FERMT2: variants seen among roughly 807,000 people sequenced by gnomAD.
FERMT2 encodes fermitin family homolog 2.
FERMT2 carries 15 observed loss-of-function variants against 82.7 expected under a neutral mutation model. The ratio of observed to expected loss-of-function variants is 0.18; its 90% CI spans 0.12 to 0.28. FERMT2 has a LOEUF of 0.28. Among genes scored for constraint, FERMT2 ranks in the 10% least tolerant of loss-of-function variants. The pLI, the probability that FERMT2 is intolerant of heterozygous loss-of-function variation, is 1.00. For missense variants in FERMT2, 645 were observed against 809.4 expected (o/e 0.80, Z 2.46); for synonymous variants, 274 against 271.5 (o/e 1.01, Z -0.09).
At chr14:52,883,771 C>T (rs572503914) in intron 4 of FERMT2, among the ~76,000 whole-genome samples, 1 of 152,270 alleles carries the variant, frequency 6.6e-6, no homozygotes, top group African/African-American at 2.4e-5. Context: ...AATGGTTTTG[C>T]ACCATCCCCG....
chr14:52,860,978 A>ATTCTT (rs761066397), intron 12 of FERMT2: 7 of 1,466,248 alleles, frequency 4.8e-6, no homozygotes, highest in Non-Finnish European at 6.5e-6. Context: ...ATTTTTATTT[A>ATTCTT]TTCTTTTTCT....
chr14:52,919,841 T>C (rs751314620), intron 2 of FERMT2, among the ~76,000 whole-genome samples: 1 of 152,136 alleles, frequency 6.6e-6, no homozygotes, highest in Admixed American at 6.5e-5. Flanking sequence ...CAGAGACCAA[T>C]ATCCTAGGTG....
intron 3 of FERMT2, among the ~76,000 whole-genome samples, chr14:52,913,980 T>G (rs1006219792): frequency 6.6e-6 from 1 of 152,116 alleles, no homozygotes; most frequent in Non-Finnish European, 1.5e-5. Flanking sequence ...GGTTCTTGTC[T>G]GTCTCTGCGT....
chr14:52,874,872 A>C (rs1442737030), intron 8 of FERMT2, among the ~76,000 whole-genome samples: 1 of 152,134 alleles, frequency 6.6e-6, no homozygotes, highest in Non-Finnish European at 1.5e-5. Context: ...ACTAGACAAC[A>C]CAGTGAGACC....
chr14:52,948,755 C>G (rs1185848913), intron 2 of FERMT2, among the ~76,000 whole-genome samples: 1 of 152,118 alleles, frequency 6.6e-6, no homozygotes, highest in African/African-American at 2.4e-5. Context: ...TATTCATTAG[C>G]TACAGCCTGG....
At position 52,945,534 on chromosome 14, in the gene FERMT2, G is replaced by A. The variant is rs142747394; in HGVS notation, c.157+4878C>T. ...CTCCCAAGGTGCTAGTATTACAGGCGTGAGCCACCACTCCCGGCCTAATCC... is the reference window on the plus strand; with the variant it reads ...CTCCCAAGGTGCTAGTATTACAGGCATGAGCCACCACTCCCGGCCTAATCC... On this transcript the variant is annotated intron_variant, in intron 2 of 14. Transcript: ENST00000341590. 1.8e-3 allele frequency among the ~76,000 whole-genome samples: 280 copies of A among 152,192 alleles called. 1 individual carries two copies. The highest frequency in any genetic ancestry group is 6.4e-3 in the African/African-American group (266 of 41,534).
intron 2 of FERMT2, chr14:52,928,013 A>G: frequency 5.1e-6 from 2 of 391,092 alleles, no homozygotes; most frequent in Non-Finnish European, 1.0e-5. Flanking sequence ...TTGATCAAAT[A>G]ACTTACTTTT....
intron 7 of FERMT2, 132 bp from the exon 8 acceptor site, chr14:52,875,489 C>A: frequency 3.3e-6 from 2 of 600,062 alleles, no homozygotes; most frequent in South Asian, 2.5e-5. Context: ...GGAACTAGAA[C>A]GATAGGAAAT....
At chr14:52,942,248 T>C (rs1180020320) in intron 2 of FERMT2, among the ~76,000 whole-genome samples, 1 of 152,018 alleles carries the variant, frequency 6.6e-6, no homozygotes, top group Admixed American at 6.6e-5. Flanking sequence ...AGTATCAATA[T>C]ATATGTATTA....
At chr14:52,874,310 T>C in intron 8 of FERMT2, 84 bp from the exon 9 acceptor site, 1 of 737,198 alleles carries the variant, frequency 1.4e-6, no homozygotes, top group South Asian at 2.3e-5. Flanking sequence ...AAGAACTAGC[T>C]TACTTAATAA....
At position 52,858,441 on chromosome 14, in the gene FERMT2, G is replaced by C; in HGVS notation, c.1979C>G (p.Ala660Gly). Residue 660 changes from alanine (A) to glycine (G), a missense_variant, in exon 15 of 15, where the codon GCA becomes GGA. Ala to Gly is a moderately conservative substitution (Grantham distance 60, BLOSUM62 0). Coordinates refer to ENST00000341590, the MANE Select transcript of FERMT2 (RefSeq NM_006832.3). Reference sequence around the variant, plus strand: ...ATCTAAACTCTCGTTTTGGTCTTTTGCACGTGTTGAGAGAAATATGTAGCC... The same window carrying C: ...ATCTAAACTCTCGTTTTGGTCTTTTCCACGTGTTGAGAGAAATATGTAGCC... ...IGGYIFLSTR[A>G]KDQNESLDEE... The C allele has an allele frequency of 6.2e-7, 1 of 1,614,022 alleles. No homozygotes were observed. Among genetic ancestry groups the C allele is most frequent in the Non-Finnish European group, 8.5e-7 (1 of 1,179,992 alleles).
chr14:52,869,631 T>C (rs1885495295), intron 10 of FERMT2, among the ~76,000 whole-genome samples: 1 of 152,204 alleles, frequency 6.6e-6, no homozygotes, highest in Non-Finnish European at 1.5e-5. Context: ...CAATTATAAG[T>C]AGTACATAAT....
intron 2 of FERMT2, among the ~76,000 whole-genome samples, chr14:52,927,007 A>AT (rs1889310554): frequency 6.6e-6 from 1 of 152,212 alleles, no homozygotes; most frequent in African/African-American, 2.4e-5. Context: ...ACATAACAGT[A>AT]TCTGACAGAC....
At chr14:52,898,487 G>A (rs1349072291) in intron 3 of FERMT2, among the ~76,000 whole-genome samples, 1 of 152,120 alleles carries the variant, frequency 6.6e-6, no homozygotes, top group Non-Finnish European at 1.5e-5. Flanking sequence ...TATATTCTTT[G>A]AACCTAAGAT....
intron 4 of FERMT2, among the ~76,000 whole-genome samples, chr14:52,887,660 T>A (rs1029535891): frequency 6.6e-6 from 1 of 151,698 alleles, no homozygotes; most frequent in African/African-American, 2.4e-5. Flanking sequence ...AGACCCTGTC[T>A]CTTAAAAAAA....
chr14:52,903,681 A>G (rs1307950681), intron 3 of FERMT2, among the ~76,000 whole-genome samples: 1 of 152,218 alleles, frequency 6.6e-6, no homozygotes, highest in African/African-American at 2.4e-5. Flanking sequence ...CAATTCTATC[A>G]AAGGGCAGAA....
rs547220176 is a variant in FERMT2, at chr14:52,880,420, A to T, written c.855+616T>A. On this transcript the variant is annotated intron_variant, in intron 6 of 14. Transcript: ENST00000341590. The stretch of plus-strand genomic sequence containing the variant: ...CAATTCTTTTTTTTGTTTGTTTGAG[A>T]TGGAGTCTTGCCCTGTTGCCCAGGC... Among the ~76,000 whole-genome samples the T allele has an allele frequency of 2.6e-5, 4 of 152,124 alleles. No individual in the cohort carries two copies. The South Asian group carries it at 8.3e-4, about 32-fold the overall frequency.
chr14:52,864,679 T>C, intron 11 of FERMT2, 57 bp from the exon 12 acceptor site: 4 of 1,579,944 alleles, frequency 2.5e-6, no homozygotes, highest in South Asian at 1.1e-5. Flanking sequence ...CTTTCAAGTA[T>C]AAAATATAAG....
chr14:52,919,578 A>G (rs1888828026), intron 2 of FERMT2, among the ~76,000 whole-genome samples: 1 of 152,232 alleles, frequency 6.6e-6, no homozygotes, highest in African/African-American at 2.4e-5. Flanking sequence ...AGGGCAACTA[A>G]GAATGTTTGA....
Sources: allele counts gnomAD v4.1 joint callset (sites outside exome capture counted in the v4.1 genomes callset), GRCh38; gene constraint gnomAD v4.1.1; transcripts MANE v1.5; gene names NCBI Gene and HGNC (gene_info 2026-07-23, HGNC 2026-07-21).